The following NGLY1 variants were observed in gnomAD, a reference collection of about 807,000 sequenced individuals.
The protein encoded by NGLY1 is N-glycanase 1.
NGLY1 carries 68 observed loss-of-function variants against 84.6 expected under a neutral mutation model. The observed-to-expected ratio is 0.80, with a 90% CI of 0.66 to 0.98. The LOEUF (loss-of-function observed/expected upper bound fraction) is 0.98, where lower values mean the gene tolerates loss of function less well. Among genes scored for constraint, NGLY1 ranks in the 50% least tolerant of loss-of-function variants. The pLI is 0.00. For missense variants in NGLY1, 779 were observed against 770.2 expected (o/e 1.01, Z -0.14); for synonymous variants, 280 against 275.2 (o/e 1.02, Z -0.17).
rs148392374 is a variant in NGLY1, at chr3:25,766,928, C to A, written c.247-2617G>T. Among the ~76,000 whole-genome samples the A allele has an allele frequency of 5.4e-3, 818 of 152,266 alleles. 2 individuals are homozygous for A. Among genetic ancestry groups the A allele is most frequent in the Non-Finnish European group, 8.8e-3 (601 of 68,030 alleles). On this transcript the variant is annotated intron_variant, in intron 2 of 11. Coordinates refer to ENST00000280700, the MANE Select transcript of NGLY1 (RefSeq NM_018297.4). ...AAAGTGTCTATATCAAAAAATTTAA[C>A]CAACAGCACTGTTATTTTCATAAAT...
chr3:25,747,750 C>T (rs1033300804), intron 4 of NGLY1, among the ~76,000 whole-genome samples: 8 of 152,112 alleles, frequency 5.3e-5, no homozygotes, highest in Non-Finnish European at 1.0e-4. Context: ...AAAAGATACA[C>T]AAATATAGAG....
rs1470196775 is a variant in NGLY1 at position 25,723,753 on chromosome 3, AT to A, written c.1612-3563del. ...TATTTTTGCCTGTTGGCTTTAAAAA[AT>A]TTTTTTTAAATTTATTGTGTGCATT... On this transcript the variant is annotated intron_variant, in intron 10 of 11. Transcript: ENST00000280700. 3.9e-5 allele frequency among the ~76,000 whole-genome samples: 6 copies of A among 152,274 alleles called. No homozygotes were observed. In the East Asian group the frequency reaches 1.2e-3, roughly 29 times the overall value.
chr3:25,763,643 T>C (rs1575649456), intron 3 of NGLY1, among the ~76,000 whole-genome samples: 1 of 152,224 alleles, frequency 6.6e-6, no homozygotes, highest in Non-Finnish European at 1.5e-5. Flanking sequence ...AATGGAATCA[T>C]TTCAGTTTAT....
intron 10 of NGLY1, among the ~76,000 whole-genome samples, chr3:25,728,510 C>T (rs895486706): frequency 6.6e-6 from 1 of 152,026 alleles, no homozygotes; most frequent in African/African-American, 2.4e-5. Flanking sequence ...AAGGAGCAGG[C>T]AGTTTTAAAG....
rs148972130 is a variant in NGLY1 at position 25,751,110 on chromosome 3, T to C, written c.646A>G (p.Lys216Glu). Residue 216 changes from lysine to glutamate, a missense_variant, in exon 4 of 12, where the codon AAA becomes GAA. Transcript: ENST00000280700. ...KSQEKLSRAR[K>E]LDKGINISDE... ...GTAAAGCTACTACCTTTATCCAATT[T>C]TCTAGCTCTCGATAACTTTTCTTGT... 8 of 1,611,474 alleles carry C rather than the reference T, an allele frequency of 5.0e-6. No homozygotes were observed. Among genetic ancestry groups the C allele is most frequent in the Admixed American group, 1.7e-5 (1 of 59,366 alleles).
intron 4 of NGLY1, chr3:25,749,765 A>T: frequency 4.1e-6 from 6 of 1,449,528 alleles, no homozygotes; most frequent in Non-Finnish European, 5.7e-6. Flanking sequence ...GATGTGCAAC[A>T]AAACTTACTG....
At chr3:25,786,349 T>C (rs193092102), upstream of NGLY1, among the ~76,000 whole-genome samples, 53 of 150,940 alleles carry the variant, frequency 3.5e-4, no homozygotes, top group African/African-American at 1.0e-3. Flanking sequence ...AGCGCCATGA[T>C]ATGTCAACTC....
At chr3:25,755,357 T>C (rs1055691378) in intron 3 of NGLY1, 27 of 1,317,046 alleles carry the variant, frequency 2.1e-5, no homozygotes, top group East Asian at 1.1e-4. Flanking sequence ...AGTTCTACGA[T>C]TGACTGTTGG....
rs375635009 is a variant in NGLY1, at chr3:25,775,703, G to A, written c.246+2871C>T. ...TACCAAAGGCTTGGAGGGATAGAAG[G>A]GACTGGGCAATAGAAAGAGATTGGT... On this transcript the variant is annotated intron_variant, in intron 2 of 11. Transcript: ENST00000280700. 1.4e-4 allele frequency among the ~76,000 whole-genome samples: 22 copies of A among 152,212 alleles called. 1 individual carries two copies. In the Middle Eastern group the frequency reaches 0.014, roughly 94 times the overall value.
chr3:25,750,882 A>G (rs1159699500), intron 4 of NGLY1, among the ~76,000 whole-genome samples: 1 of 152,148 alleles, frequency 6.6e-6, no homozygotes, highest in Non-Finnish European at 1.5e-5. Flanking sequence ...CTCATGTCTC[A>G]CAGTCAGCCC....
intron 10 of NGLY1, among the ~76,000 whole-genome samples, chr3:25,720,589 T>C (rs753306567): frequency 3.9e-5 from 6 of 152,242 alleles, no homozygotes; most frequent in Non-Finnish European, 8.8e-5. Context: ...TGGATTTTCA[T>C]ATACGCTTTC....
chr3:25,756,289 T>C (rs1474268459), intron 3 of NGLY1, among the ~76,000 whole-genome samples: 3 of 152,242 alleles, frequency 2.0e-5, no homozygotes, highest in Non-Finnish European at 2.9e-5. Flanking sequence ...AGGCCATACC[T>C]GGAATTTAAA....
chr3:25,753,195 CACGCAAA>C (rs1706846250), intron 3 of NGLY1, among the ~76,000 whole-genome samples: 2 of 152,094 alleles, frequency 1.3e-5, no homozygotes, highest in Non-Finnish European at 2.9e-5. Flanking sequence ...AGAAACATTA[CACGCAAA>C]GAAAAAATTA....
chr3:25,746,745 G>A (rs980270368), intron 4 of NGLY1, among the ~76,000 whole-genome samples: 1 of 152,210 alleles, frequency 6.6e-6, no homozygotes, highest in African/African-American at 2.4e-5. Flanking sequence ...TTTGCCTAGA[G>A]AGAGGAAATA....
chr3:25,761,735 T>C (rs1310627628), intron 3 of NGLY1, among the ~76,000 whole-genome samples: 2 of 152,166 alleles, frequency 1.3e-5, no homozygotes, highest in African/African-American at 4.8e-5. Context: ...AAAACATATG[T>C]CTACACAAAA....
At chr3:25,726,658 T>C (rs531655057) in intron 10 of NGLY1, among the ~76,000 whole-genome samples, 3 of 152,088 alleles carry the variant, frequency 2.0e-5, no homozygotes, top group Non-Finnish European at 2.9e-5. Context: ...AGGACCAGAT[T>C]TGGAAAAGAC....
intron 9 of NGLY1, among the ~76,000 whole-genome samples, chr3:25,731,601 T>C (rs963429369): frequency 1.3e-5 from 2 of 152,056 alleles, no homozygotes; most frequent in Admixed American, 1.3e-4. Flanking sequence ...TAGGTATACA[T>C]CCAACAAAAT....
At chr3:25,737,836 G>A (rs1035795501) in intron 5 of NGLY1, among the ~76,000 whole-genome samples, 1 of 152,058 alleles carries the variant, frequency 6.6e-6, no homozygotes, top group Non-Finnish European at 1.5e-5. Context: ...GAGCCACTGC[G>A]CCCGGCCTTT....
chr3:25,770,844 A>G (rs1300246543), intron 2 of NGLY1, among the ~76,000 whole-genome samples: 2 of 152,110 alleles, frequency 1.3e-5, no homozygotes, highest in Non-Finnish European at 2.9e-5. Flanking sequence ...GGCCATTTGT[A>G]TATCTTCTTT....
Sources: allele counts gnomAD v4.1 joint callset (sites outside exome capture counted in the v4.1 genomes callset), GRCh38; gene constraint gnomAD v4.1.1; transcripts MANE v1.5; gene names NCBI Gene and HGNC (gene_info 2026-07-23, HGNC 2026-07-21).